Variants in SLC3A1 observed in about 807,000 individuals in gnomAD.
SLC3A1 encodes solute carrier family 3 member 1, also known as amino acid transporter heavy chain SLC3A1.
Under a neutral mutation model 60.3 loss-of-function variants are expected in SLC3A1, and 78 were observed. The observed-to-expected ratio is 1.29, with a 90% confidence interval of 1.08 to 1.56. The LOEUF is 1.56. Ranked by LOEUF, SLC3A1 falls within the 40% of genes most tolerant of loss-of-function variation. The probability of loss-of-function intolerance (pLI) is 0.00; values close to 1 mark genes in which losing one functional copy is unlikely to be tolerated. For missense variants in SLC3A1, 1,172 were observed against 858.9 expected, an observed-to-expected ratio of 1.36 and a Z score of -4.56; for synonymous variants, 392 against 307.9, an observed-to-expected ratio of 1.27 and a Z score of -2.86.
rs774747715 is a variant in SLC3A1 at position 44,299,977 on chromosome 2, T to A, written c.898T>A (p.Leu300Ile). 3.1e-6 allele frequency: 5 copies of A among 1,614,032 alleles called. No homozygotes were observed. Among genetic ancestry groups the A allele is most frequent in the Non-Finnish European group, 4.2e-6 (5 of 1,179,992 alleles). Residue 300 changes from leucine (L) to isoleucine (I), a missense_variant, in exon 5 of 10, where the codon TTA (leucine) becomes ATA (isoleucine). By Grantham distance (5) the Leu-to-Ile change is conservative. Coordinates refer to ENST00000260649, the MANE Select transcript of SLC3A1 (RefSeq NM_000341.4). ...PDVQEEIKEI[L>I]RFWLTKGVDG... ...TTTGCTTCTTCATCTTTAGGAAATT[T>A]TACGGTTCTGGCTCACAAAGGGTGT...
At chr2:44,301,361 A>C in intron 6 of SLC3A1, 1 of 613,754 alleles carries the variant, frequency 1.6e-6, no homozygotes, top group Admixed American at 2.8e-5. Context: ...TACGTACTTC[A>C]CAGGAGTTTT....
chr2:44,306,589 C>T (rs1381520447), intron 7 of SLC3A1, among the ~76,000 whole-genome samples: 3 of 124,566 alleles, frequency 2.4e-5, no homozygotes, highest in South Asian at 2.5e-4. Context: ...GAGTTTTGCT[C>T]GTTACCCAGG....
chr2:44,315,934 G>A (rs1672430280), intron 9 of SLC3A1, among the ~76,000 whole-genome samples: 2 of 152,166 alleles, frequency 1.3e-5, no homozygotes, highest in South Asian at 4.1e-4. Context: ...AGAATTCACT[G>A]TGGAATGCTC....
At chr2:44,317,480 G>C (rs1370124483) in intron 9 of SLC3A1, 1 of 145,002 alleles carries the variant, frequency 6.9e-6, no homozygotes, top group Admixed American at 6.9e-5. Context: ...AAAAAATTCA[G>C]TTCCCATGTC....
intron 6 of SLC3A1, 93 bp from the exon 7 acceptor site, chr2:44,304,050 C>T (rs1007633547): frequency 2.1e-6 from 2 of 955,382 alleles, no homozygotes; most frequent in Non-Finnish European, 3.5e-6. Context: ...CATTCAGCCC[C>T]TACATCTTGT....
intron 9 of SLC3A1, 75 bp downstream of exon 9, chr2:44,314,026 C>G (rs2104385685): frequency 6.2e-7 from 1 of 1,601,990 alleles, no homozygotes; most frequent in Non-Finnish European, 8.5e-7. Flanking sequence ...CACACTCACC[C>G]TGAATGTGTC....
chr2:44,307,326 G>A (rs1487386586), intron 7 of SLC3A1, among the ~76,000 whole-genome samples: 1 of 152,174 alleles, frequency 6.6e-6, no homozygotes, highest in Non-Finnish European at 1.5e-5. Context: ...ATAAAAACAT[G>A]TTTTCAATTC....
intron 6 of SLC3A1, among the ~76,000 whole-genome samples, chr2:44,303,595 T>C (rs540265860): frequency 9.2e-5 from 14 of 152,168 alleles, no homozygotes; most frequent in African/African-American, 2.6e-4. Context: ...TTTTTTATTA[T>C]TATACTTTTA....
intron 7 of SLC3A1, among the ~76,000 whole-genome samples, chr2:44,307,508 G>C (rs1337798180): frequency 6.6e-6 from 1 of 150,866 alleles, no homozygotes; most frequent in Non-Finnish European, 1.5e-5. Context: ...GCCTTGTGAT[G>C]GTCTGCCTTT....
chr2:44,314,068 A>C, intron 9 of SLC3A1, 117 bp downstream of exon 9: 1 of 1,558,830 alleles, frequency 6.4e-7, no homozygotes. Flanking sequence ...TAAATCAATC[A>C]CAGACTTCCT....
intron 4 of SLC3A1, among the ~76,000 whole-genome samples, chr2:44,289,605 C>T (rs1017298282): frequency 1.3e-5 from 2 of 151,634 alleles, no homozygotes; most frequent in African/African-American, 2.4e-5. Flanking sequence ...GAAGCACAAG[C>T]GTTTTTAATT....
chr2:44,306,817 A>G (rs1308950249), intron 7 of SLC3A1, among the ~76,000 whole-genome samples: 1 of 152,118 alleles, frequency 6.6e-6, no homozygotes, highest in Admixed American at 6.5e-5. Context: ...TTGGCCTCCC[A>G]AAGTGCTGGG....
chr2:44,287,791 C>T (rs912067089), intron 4 of SLC3A1, among the ~76,000 whole-genome samples: 9 of 152,040 alleles, frequency 5.9e-5, no homozygotes, highest in African/African-American at 2.2e-4. Context: ...GGAAGGAGAC[C>T]CTAACAGAAC....
At chr2:44,306,061 G>T (rs912813745) in intron 7 of SLC3A1, among the ~76,000 whole-genome samples, 2 of 152,172 alleles carry the variant, frequency 1.3e-5, no homozygotes, top group African/African-American at 4.8e-5. Context: ...AGGTGCTCAG[G>T]CTCAGGGTTT....
chr2:44,282,718 C>G (rs1312886203), intron 3 of SLC3A1, among the ~76,000 whole-genome samples: 2 of 152,098 alleles, frequency 1.3e-5, no homozygotes, highest in Non-Finnish European at 2.9e-5. Context: ...ACTGCAGTGG[C>G]TTGATCATGG....
At chr2:44,281,125 TTCCCC>T (rs566867334) in intron 2 of SLC3A1, among the ~76,000 whole-genome samples, 6 of 147,310 alleles carry the variant, frequency 4.1e-5, no homozygotes, top group Non-Finnish European at 6.0e-5. Context: ...ATCTCCTTTC[TTCCCC>T]TCCCCTCCCC....
downstream of SLC3A1, chr2:44,321,959 CGAGA>C: frequency 6.6e-7 from 1 of 1,511,124 alleles, no homozygotes; most frequent in Non-Finnish European, 9.0e-7. Context: ...TTTGGAAGAT[CGAGA>C]CCCATTCCTC....
chr2:44,297,451 G>A (rs1170145711), intron 4 of SLC3A1, among the ~76,000 whole-genome samples: 1 of 152,124 alleles, frequency 6.6e-6, no homozygotes, highest in Non-Finnish European at 1.5e-5. Flanking sequence ...ATCCCACCAG[G>A]TCATCTAGGT....
chr2:44,280,981 T>C, intron 2 of SLC3A1, 86 bp downstream of exon 2: 1 of 1,151,558 alleles, frequency 8.7e-7, no homozygotes, highest in South Asian at 1.2e-5. Context: ...TTTCTTCTCC[T>C]TAACTGTCAT....
Sources: gnomAD v4.1 joint callset for allele counts (sites outside exome capture counted in the v4.1 genomes callset) on GRCh38, gnomAD v4.1.1 for gene constraint, MANE v1.5 for transcripts, NCBI Gene and HGNC (gene_info 2026-07-23, HGNC 2026-07-21) for gene names.